Variants in B3GAT2 observed in about 807,000 individuals in gnomAD.
The protein encoded by B3GAT2 is galactosylgalactosylxylosylprotein 3-beta-glucuronosyltransferase 2.
In B3GAT2, 26 loss-of-function variants were observed where a neutral mutation model predicts 27.8. That is an observed-to-expected ratio of 0.93 (90% CI 0.68 to 1.30). The LOEUF is 1.30. Among genes scored for constraint, B3GAT2 ranks in the 50% most tolerant of loss-of-function variants. B3GAT2 has a pLI of 0.00. For synonymous variants in B3GAT2, 218 were observed against 195.1 expected (o/e 1.12, Z -0.98); for missense variants, 458 against 459.0 (o/e 1.00, Z 0.02).
At chr6:70,887,086 A>G (rs929351809) in intron 2 of B3GAT2, among the ~76,000 whole-genome samples, 4 of 152,224 alleles carry the variant, frequency 2.6e-5, no homozygotes, top group Non-Finnish European at 5.9e-5. Context: ...CATGGAAAAC[A>G]GCACACTTAA....
intron 1 of B3GAT2, 98 bp from the exon 2 acceptor site, chr6:70,894,370 G>A (rs2150031702): frequency 7.6e-7 from 1 of 1,315,618 alleles, no homozygotes; most frequent in African/African-American, 1.5e-5. Flanking sequence ...TGGTAGTGGT[G>A]TAAGATTTCA....
chr6:70,858,287 C>CTTT lies in B3GAT2; in HGVS notation c.*3373_*3375dup, dbSNP rs68188898. On this transcript the variant is annotated 3_prime_UTR_variant, in exon 4 of 4. Coordinates refer to ENST00000230053, the MANE Select transcript of B3GAT2 (RefSeq NM_080742.3). ...ATCAAACCAGATTTATTTTCTAAAT[C>CTTT]TTTTTTTTTTTTTTTTTTTTTTTTT... 66 of 290,724 alleles carry CTTT rather than the reference C, an allele frequency of 2.3e-4. No individual in the cohort carries two copies. Among genetic ancestry groups the CTTT allele is most frequent in the African/African-American group, 1.9e-3 (45 of 23,086 alleles). The allele number at this position is 290,724 out of a possible 1,614,324, so 18.0% of individuals were successfully genotyped here.
Position 70,857,206 on chromosome 6 carries a change from G to C in B3GAT2, c.*4457C>G. ...AGCATTAGAATTAAAAAATTAAGAG[G>C]CATGTACAGGATTCACAGAACTTTA... is the stretch of plus-strand genomic sequence containing the variant. On this transcript the variant is annotated 3_prime_UTR_variant, in exon 4 of 4. Coordinates refer to ENST00000230053, the MANE Select transcript of B3GAT2 (RefSeq NM_080742.3). 1.9e-6 allele frequency: 1 copy of C among 528,146 alleles called. No homozygotes were observed. The highest frequency in any genetic ancestry group is 3.1e-6 in the Non-Finnish European group (1 of 325,196). The allele number at this position is 528,146 out of a possible 1,614,324, so 32.7% of individuals were successfully genotyped here.
intron 1 of B3GAT2, among the ~76,000 whole-genome samples, chr6:70,955,515 C>T (rs1371110779): frequency 6.6e-6 from 1 of 151,300 alleles, no homozygotes; most frequent in East Asian, 2.0e-4. Flanking sequence ...CTCAGGTCGT[C>T]AGGAGCCTGG....
chr6:70,944,976 T>A (rs981271932), intron 1 of B3GAT2, among the ~76,000 whole-genome samples: 3 of 152,054 alleles, frequency 2.0e-5, no homozygotes, highest in African/African-American at 7.2e-5. Flanking sequence ...CTGGAGTGGA[T>A]CTCTAGCAAA....
chr6:70,939,342 T>C (rs1359972351), intron 1 of B3GAT2, among the ~76,000 whole-genome samples: 1 of 145,494 alleles, frequency 6.9e-6, no homozygotes, highest in African/African-American at 2.6e-5. Flanking sequence ...AGTGCGGCGA[T>C]TCCTCAGGGA....
At chr6:70,931,703 A>G (rs1221879552) in intron 1 of B3GAT2, among the ~76,000 whole-genome samples, 1 of 152,214 alleles carries the variant, frequency 6.6e-6, no homozygotes. Flanking sequence ...AAAACTACAC[A>G]CTATTAGAAG....
In B3GAT2 at chr6:70,956,945, C is replaced by T; in HGVS notation, c.-516G>A. 1 of 1,009,218 alleles carries T rather than the reference C, an allele frequency of 9.9e-7. No individual in the cohort carries two copies. Among genetic ancestry groups the T allele is most frequent in the Non-Finnish European group, 1.2e-6 (1 of 846,150 alleles). The allele number at this position is 1,009,218 out of a possible 1,614,324, so 62.5% of individuals were successfully genotyped here. ...CTTCCTCACATTCCCGCCGGGGTGG[C>T]GAGGAGCGGGTGGAGACGCTGGGGG... On this transcript the variant is annotated 5_prime_UTR_variant, in exon 1 of 4. Coordinates refer to ENST00000230053, the MANE Select transcript of B3GAT2 (RefSeq NM_080742.3).
chr6:70,870,506 C>A (rs1023994687), intron 2 of B3GAT2, among the ~76,000 whole-genome samples: 1 of 150,388 alleles, frequency 6.6e-6, no homozygotes, highest in Non-Finnish European at 1.5e-5. Flanking sequence ...CAAACCTGCA[C>A]GTTGTGCACA....
intron 1 of B3GAT2, among the ~76,000 whole-genome samples, chr6:70,929,759 C>T (rs1262842077): frequency 6.6e-6 from 1 of 152,128 alleles, no homozygotes; most frequent in Non-Finnish European, 1.5e-5. Context: ...TGAAAATGGC[C>T]ATACTGCCCA....
intron 1 of B3GAT2, among the ~76,000 whole-genome samples, chr6:70,894,847 A>T (rs78138451): frequency 0.021 from 3,273 of 152,340 alleles, 51 homozygotes; most frequent in Middle Eastern, 0.068. Context: ...TTTAAGGGCA[A>T]TTGGGCCAAA....
At chr6:70,951,344 AT>A (rs1316785933) in intron 1 of B3GAT2, among the ~76,000 whole-genome samples, 1 of 152,148 alleles carries the variant, frequency 6.6e-6, no homozygotes, top group African/African-American at 2.4e-5. Context: ...ACAAGAGAAA[AT>A]TTACCAGCTT....
At chr6:70,906,588 C>T (rs993040028) in intron 1 of B3GAT2, among the ~76,000 whole-genome samples, 24 of 152,310 alleles carry the variant, frequency 1.6e-4, no homozygotes, top group African/African-American at 5.3e-4. Flanking sequence ...AATCCTCCTG[C>T]CTTGGCCACC....
At chr6:70,937,057 T>C (rs1765293574) in intron 1 of B3GAT2, among the ~76,000 whole-genome samples, 1 of 151,808 alleles carries the variant, frequency 6.6e-6, no homozygotes, top group African/African-American at 2.4e-5. Flanking sequence ...CACAAAAAAA[T>C]GATAAAGGGG....
At position 70,859,399 on chromosome 6, in the gene B3GAT2, T is replaced by G; in HGVS notation, c.*2264A>C. 1 of 1,548,552 alleles carries G rather than the reference T, an allele frequency of 6.5e-7. No individual in the cohort carries two copies. The highest frequency in any genetic ancestry group is 8.7e-7 in the Non-Finnish European group (1 of 1,145,780). ...ATCTACTGGCCAATGACAAGGTGGT[T>G]AAAATGTCCTTTAGTAGGTATGAAG... On this transcript the variant is annotated 3_prime_UTR_variant, in exon 4 of 4. Transcript: ENST00000230053.
chr6:70,857,980 G>A lies in B3GAT2; in HGVS notation c.*3683C>T. On this transcript the variant is annotated 3_prime_UTR_variant, in exon 4 of 4. Transcript: ENST00000230053. The stretch of plus-strand genomic sequence containing the variant: ...CCTCACAAGCACCAGCTGCATTTCA[G>A]GGCTTTCCATCGATGGGCGTGCCTG... The A allele has an allele frequency of 6.2e-7, 1 of 1,614,124 alleles. No individual in the cohort carries two copies. The highest frequency in any genetic ancestry group is 8.5e-7 in the Non-Finnish European group (1 of 1,180,004).
chr6:70,893,252 G>A (rs899770648), intron 2 of B3GAT2, among the ~76,000 whole-genome samples: 1 of 152,146 alleles, frequency 6.6e-6, no homozygotes, highest in Non-Finnish European at 1.5e-5. Context: ...AATTCTGAAC[G>A]CGGAGATCTT....
intron 1 of B3GAT2, among the ~76,000 whole-genome samples, chr6:70,927,270 A>G (rs1223830849): frequency 1.3e-5 from 2 of 152,194 alleles, no homozygotes; most frequent in African/African-American, 2.4e-5. Context: ...TGCATCAACT[A>G]ATGAGCAAAA....
chr6:70,905,530 G>A (rs141668147), intron 1 of B3GAT2, among the ~76,000 whole-genome samples: 209 of 152,226 alleles, frequency 1.4e-3, no homozygotes, highest in African/African-American at 4.8e-3. Context: ...GATAACCTAC[G>A]TTTTTGCCCC....
Sources: gnomAD v4.1 joint callset for allele counts (sites outside exome capture counted in the v4.1 genomes callset) on GRCh38, gnomAD v4.1.1 for gene constraint, MANE v1.5 for transcripts, NCBI Gene and HGNC (gene_info 2026-07-23, HGNC 2026-07-21) for gene names.